DDC: variants seen among roughly 807,000 people sequenced by gnomAD.
The protein encoded by DDC is aromatic-L-amino-acid decarboxylase.
Under a neutral mutation model 60.0 loss-of-function variants are expected in DDC, and 43 were observed. The observed-to-expected ratio is 0.72, with a 90% CI of 0.56 to 0.92. The LOEUF is 0.92. DDC is among the 40% of genes least tolerant of loss of function. The pLI, the probability that DDC is intolerant of heterozygous loss-of-function variation, is 0.00. For missense variants in DDC, 573 were observed against 620.2 expected, an observed-to-expected ratio of 0.92 and a Z score of 0.81; for synonymous variants, 232 against 234.6, an observed-to-expected ratio of 0.99 and a Z score of 0.10.
chr7:50,513,668 G>T (rs1419465050), intron 6 of DDC, among the ~76,000 whole-genome samples: 1 of 152,122 alleles, frequency 6.6e-6, no homozygotes, highest in African/African-American at 2.4e-5. Context: ...CCTTCGGTTT[G>T]TGTGGGAGCT....
intron 1 of DDC, among the ~76,000 whole-genome samples, chr7:50,555,629 C>T (rs1233592529): frequency 2.0e-5 from 3 of 152,186 alleles, no homozygotes; most frequent in East Asian, 3.9e-4. Context: ...TAGGCACTCT[C>T]TCATTGGTCT....
At chr7:50,528,050 C>A (rs2044087708) in intron 6 of DDC, 87 bp downstream of exon 6, 1 of 1,490,988 alleles carries the variant, frequency 6.7e-7, no homozygotes, top group Non-Finnish European at 9.1e-7. Context: ...GAATGCGCCA[C>A]CATGCCCGGC....
At chr7:50,550,131 C>T (rs926357501) in intron 1 of DDC, among the ~76,000 whole-genome samples, 1 of 152,188 alleles carries the variant, frequency 6.6e-6, no homozygotes, top group Non-Finnish European at 1.5e-5. Context: ...ATCGATGCAG[C>T]AAACTTCATT....
At chr7:50,514,390 A>G (rs973070273) in intron 6 of DDC, among the ~76,000 whole-genome samples, 1 of 152,202 alleles carries the variant, frequency 6.6e-6, no homozygotes, top group South Asian at 2.1e-4. Context: ...GAACCAGGAA[A>G]CCAACCCCGG....
chr7:50,510,446 A>C (rs1410694769), intron 6 of DDC, among the ~76,000 whole-genome samples: 1 of 152,056 alleles, frequency 6.6e-6, no homozygotes, highest in East Asian at 1.9e-4. Flanking sequence ...AGGCTGGCAG[A>C]TCACTTGAGG....
At chr7:50,556,994 G>A (rs1201091513) in intron 1 of DDC, among the ~76,000 whole-genome samples, 3 of 152,172 alleles carry the variant, frequency 2.0e-5, no homozygotes, top group South Asian at 2.1e-4. Flanking sequence ...AAATGGGGCC[G>A]CAAGCTCATG....
At chr7:50,555,264 T>C (rs1019534770) in intron 1 of DDC, among the ~76,000 whole-genome samples, 18 of 152,132 alleles carry the variant, frequency 1.2e-4, no homozygotes, top group African/African-American at 3.6e-4. Context: ...CTGAGAAGCA[T>C]GGCTTGTGTG....
rs3735273 is a variant in DDC at position 50,529,166 on chromosome 7, C to T, written c.570+42G>A. 390,034 of 1,610,546 alleles carry T rather than the reference C, an allele frequency of 0.24. 49,259 individuals are homozygous for T. Among genetic ancestry groups the T allele is most frequent in the East Asian group, 0.38 (17,149 of 44,830 alleles). On this transcript the variant is annotated intron_variant, in intron 5 of 14. Transcript: ENST00000444124. Reference sequence around the variant, plus strand: ...TGAATTTGACATAAAACCAAACATTCGGGTCTTGAAGTCTTGGCTGATACC... The same window carrying T: ...TGAATTTGACATAAAACCAAACATTTGGGTCTTGAAGTCTTGGCTGATACC...
chr7:50,519,767 A>G (rs1483910835), intron 6 of DDC, among the ~76,000 whole-genome samples: 1 of 152,104 alleles, frequency 6.6e-6, no homozygotes, highest in African/African-American at 2.4e-5. Context: ...TGAGGAATAA[A>G]AGACTACAAA....
chr7:50,502,098 A>G (rs1340233481), intron 7 of DDC, among the ~76,000 whole-genome samples: 1 of 152,152 alleles, frequency 6.6e-6, no homozygotes, highest in Non-Finnish European at 1.5e-5. Flanking sequence ...GGAATTGTCA[A>G]AACTGACCTC....
At chr7:50,479,577 G>A (rs768314721) in intron 10 of DDC, among the ~76,000 whole-genome samples, 8 of 152,092 alleles carry the variant, frequency 5.3e-5, no homozygotes, top group Non-Finnish European at 1.2e-4. Flanking sequence ...TCTAGAGCAG[G>A]AGCCTCCCCC....
At chr7:50,499,330 T>C (rs1439712409) in intron 7 of DDC, 88 bp from the exon 8 acceptor site, 3 of 840,840 alleles carry the variant, frequency 3.6e-6, no homozygotes, top group African/African-American at 1.7e-5. Context: ...GAGCACCTTC[T>C]TGGGTAGAGC....
At chr7:50,469,255 T>A (rs13232900) in intron 12 of DDC, among the ~76,000 whole-genome samples, 2,662 of 56,328 alleles carry the variant, frequency 0.047, 104 homozygotes, top group African/African-American at 0.088. Flanking sequence ...ATTGTTATTT[T>A]AAAAAAAAAA....
chr7:50,550,356 A>G (rs2044951901), intron 1 of DDC, among the ~76,000 whole-genome samples: 1 of 152,196 alleles, frequency 6.6e-6, no homozygotes, highest in Non-Finnish European at 1.5e-5. Context: ...CACTTAATAG[A>G]CTACAGTATA....
intron 4 of DDC, among the ~76,000 whole-genome samples, chr7:50,532,252 A>T (rs954249117): frequency 6.6e-6 from 1 of 152,158 alleles, no homozygotes; most frequent in African/African-American, 2.4e-5. Context: ...CACAGATCCC[A>T]TTTCTTCCTT....
chr7:50,564,973 C>T (rs1441644362), intron 1 of DDC, among the ~76,000 whole-genome samples: 6 of 152,146 alleles, frequency 3.9e-5, no homozygotes, highest in South Asian at 4.2e-4. Flanking sequence ...AACACCATCC[C>T]TGGTGGTGCA....
chr7:50,537,718 C>T, intron 4 of DDC, 142 bp downstream of exon 4: 1 of 1,110,692 alleles, frequency 9.0e-7, no homozygotes, highest in Non-Finnish European at 1.4e-6. Context: ...CCAGCATTTT[C>T]CCAAGAGCTC....
At chr7:50,528,084 A>G in intron 6 of DDC, 53 bp downstream of exon 6, 1 of 1,598,838 alleles carries the variant, frequency 6.3e-7, no homozygotes, top group Non-Finnish European at 8.5e-7. Flanking sequence ...TATTTTTAGT[A>G]GAGACGGAGT....
intron 7 of DDC, among the ~76,000 whole-genome samples, chr7:50,503,040 G>A (rs2043297938): frequency 6.6e-6 from 1 of 152,212 alleles, no homozygotes; most frequent in East Asian, 1.9e-4. Context: ...CCCAGGAGAG[G>A]AGGGTCCACT....
Sources: allele counts gnomAD v4.1 joint callset (sites outside exome capture counted in the v4.1 genomes callset), GRCh38; gene constraint gnomAD v4.1.1; transcripts MANE v1.5; gene names NCBI Gene and HGNC (gene_info 2026-07-23, HGNC 2026-07-21).